Variants in DSCAM observed in about 807,000 individuals in gnomAD.
DSCAM encodes cell adhesion molecule DSCAM.
In DSCAM, 47 loss-of-function variants were observed where a neutral mutation model predicts 217.7. That is an observed-to-expected ratio of 0.22 (90% CI 0.17 to 0.28). The LOEUF is 0.28. Ranked by LOEUF, DSCAM falls within the 10% of genes least tolerant of loss-of-function variation. DSCAM has a pLI of 1.00. For missense variants in DSCAM, 2,080 were observed against 2,618.3 expected, an observed-to-expected ratio of 0.79 and a Z score of 4.49; for synonymous variants, 1,056 against 1,015.3, an observed-to-expected ratio of 1.04 and a Z score of -0.76.
At chr21:40,511,924 G>C (rs1159781298) in intron 3 of DSCAM, among the ~76,000 whole-genome samples, 1 of 145,754 alleles carries the variant, frequency 6.9e-6, no homozygotes, top group Non-Finnish European at 1.5e-5. Context: ...CCGGGAGCTG[G>C]AGCTTGCAGT....
rs1487188653 is a variant in DSCAM at position 40,825,262 on chromosome 21, TTTCTTTCCTTCCTTCC to T, written c.43+21341_43+21356del. Among the ~76,000 whole-genome samples the T allele has an allele frequency of 3.4e-3, 471 of 137,378 alleles. 5 individuals carry two copies. The highest frequency in any genetic ancestry group is 0.013 in the African/African-American group (461 of 36,458). 90.1% of individuals were successfully genotyped at this position (137,378 alleles called of 152,430 possible). A position where few individuals can be genotyped will look rare whatever the true frequency, so the allele number is the denominator to read the frequency against. The stretch of plus-strand genomic sequence containing the variant: ...ATATAGGTGTTCAGTGAACATTTTC[TTTCTTTCCTTCCTTCC>T]TTCCTTCCTTCCTTCCTTCCTTCCT... On this transcript the variant is annotated intron_variant, in intron 1 of 32. Transcript: ENST00000400454.
chr21:40,829,478 C>T (rs934816494), intron 1 of DSCAM, among the ~76,000 whole-genome samples: 3 of 152,318 alleles, frequency 2.0e-5, no homozygotes, highest in Admixed American at 1.3e-4. Context: ...TGGTCAAGTG[C>T]AGCTGCTCTG....
At chr21:40,377,031 A>G (rs1254066229) in intron 3 of DSCAM, among the ~76,000 whole-genome samples, 2 of 152,128 alleles carry the variant, frequency 1.3e-5, no homozygotes, top group Non-Finnish European at 2.9e-5. Context: ...CCCTAATCCA[A>G]TGTGACCGGT....
chr21:40,267,985 A>G lies in DSCAM; in HGVS notation c.2356+8112T>C, dbSNP rs185804143. On this transcript the variant is annotated intron_variant, in intron 11 of 32. Transcript: ENST00000400454. ...CATAGGCATGCGTATATACACAAGTATATACAAATACACACACATATATAC... is the reference window on the plus strand; with the variant it reads ...CATAGGCATGCGTATATACACAAGTGTATACAAATACACACACATATATAC... 1.1e-4 allele frequency among the ~76,000 whole-genome samples: 17 copies of G among 152,348 alleles called. No homozygotes were observed. In the East Asian group the frequency reaches 3.3e-3, roughly 29 times the overall value.
intron 3 of DSCAM, among the ~76,000 whole-genome samples, chr21:40,446,272 T>C (rs2075674069): frequency 6.6e-6 from 1 of 152,204 alleles, no homozygotes; most frequent in South Asian, 2.1e-4. Flanking sequence ...GGTCATTGCA[T>C]GCTGAAATGA....
At chr21:40,251,307 A>G (rs2073301196) in intron 11 of DSCAM, among the ~76,000 whole-genome samples, 2 of 152,262 alleles carry the variant, frequency 1.3e-5, no homozygotes, top group African/African-American at 4.8e-5. Flanking sequence ...CAGTACATTC[A>G]GATGTTTCTA....
At chr21:40,608,843 A>G (rs566352988) in intron 3 of DSCAM, among the ~76,000 whole-genome samples, 3 of 152,306 alleles carry the variant, frequency 2.0e-5, no homozygotes, top group Admixed American at 1.3e-4. Context: ...TCTCTTCTTT[A>G]AATTTAAGGT....
intron 11 of DSCAM, among the ~76,000 whole-genome samples, chr21:40,226,980 TGTAA>T (rs1177202125): frequency 1.3e-5 from 2 of 152,156 alleles, no homozygotes; most frequent in African/African-American, 2.4e-5. Context: ...AGTTCCCACT[TGTAA>T]GTGAGAACAT....
chr21:40,705,725 CATGGGGATT>C (rs757330620), intron 2 of DSCAM, among the ~76,000 whole-genome samples: 82 of 152,266 alleles, frequency 5.4e-4, no homozygotes, highest in Middle Eastern at 3.4e-3. Context: ...TCCCAGGACC[CATGGGGATT>C]ATGGGGATTA....
At chr21:40,129,072 T>C (rs932462504) in intron 19 of DSCAM, among the ~76,000 whole-genome samples, 1 of 152,110 alleles carries the variant, frequency 6.6e-6, no homozygotes, top group Non-Finnish European at 1.5e-5. Context: ...TCAGCTTCAT[T>C]TTTTTTCACC....
chr21:40,837,040 C>T (rs2092062653), intron 1 of DSCAM, among the ~76,000 whole-genome samples: 1 of 152,170 alleles, frequency 6.6e-6, no homozygotes, highest in Non-Finnish European at 1.5e-5. Flanking sequence ...AACCAGTGTC[C>T]TCGATCCTTA....
chr21:40,519,091 C>G (rs1276649811), intron 3 of DSCAM, among the ~76,000 whole-genome samples: 2 of 152,076 alleles, frequency 1.3e-5, no homozygotes, highest in Admixed American at 6.6e-5. Context: ...CCGATGTTGA[C>G]TGAAATGTCA....
intron 11 of DSCAM, chr21:40,212,338 C>T (rs1316259282): frequency 6.5e-6 from 1 of 154,154 alleles, no homozygotes; most frequent in Non-Finnish European, 1.5e-5. Context: ...AGAGGCCTCA[C>T]CTTGAGAGGC....
At chr21:40,748,384 G>T (rs2091195665) in intron 1 of DSCAM, among the ~76,000 whole-genome samples, 2 of 151,922 alleles carry the variant, frequency 1.3e-5, no homozygotes, top group Admixed American at 6.6e-5. Context: ...TTTGGTAAAG[G>T]TGTAGGATAT....
At chr21:40,020,573 A>G (rs1250764814) in intron 32 of DSCAM, among the ~76,000 whole-genome samples, 4 of 151,962 alleles carry the variant, frequency 2.6e-5, no homozygotes, top group Admixed American at 2.6e-4. Flanking sequence ...GGGAAAATCT[A>G]ACTGGAAGAG....
chr21:40,176,731 T>C (rs1423459059), intron 15 of DSCAM, among the ~76,000 whole-genome samples: 1 of 152,346 alleles, frequency 6.6e-6, no homozygotes, highest in Non-Finnish European at 1.5e-5. Flanking sequence ...TGTGTGGGGC[T>C]GCCACAGCCA....
intron 1 of DSCAM, among the ~76,000 whole-genome samples, chr21:40,807,411 A>G (rs1469069242): frequency 6.6e-6 from 1 of 151,984 alleles, no homozygotes; most frequent in East Asian, 1.9e-4. Flanking sequence ...CTTAACTGCC[A>G]TCAGCCAAAT....
At chr21:40,209,825 G>A (rs1038784404) in intron 11 of DSCAM, among the ~76,000 whole-genome samples, 18 of 152,092 alleles carry the variant, frequency 1.2e-4, no homozygotes, top group African/African-American at 3.4e-4. Context: ...ATAACTCATC[G>A]CTCATTCATC....
intron 1 of DSCAM, among the ~76,000 whole-genome samples, chr21:40,803,565 T>C (rs1202187704): frequency 6.6e-6 from 1 of 152,196 alleles, no homozygotes. Flanking sequence ...CCCCCTTCTC[T>C]TTCGTCTCTC....
Sources: allele counts gnomAD v4.1 joint callset (sites outside exome capture counted in the v4.1 genomes callset), GRCh38; gene constraint gnomAD v4.1.1; transcripts MANE v1.5; gene names NCBI Gene and HGNC (gene_info 2026-07-23, HGNC 2026-07-21).